The following C12orf42 variants were observed in gnomAD, a reference collection of about 807,000 sequenced individuals.
The protein encoded by C12orf42 is uncharacterized protein C12orf42.
Under a neutral mutation model 21.6 loss-of-function variants are expected in C12orf42, and 25 were observed. That is an observed-to-expected ratio of 1.16 (90% CI 0.84 to 1.62). The LOEUF (loss-of-function observed/expected upper bound fraction) is 1.62, where lower values mean the gene tolerates loss of function less well. Ranked by LOEUF, C12orf42 falls within the 40% of genes most tolerant of loss-of-function variation. The pLI is 0.00. For synonymous variants in C12orf42, 174 were observed against 175.0 expected, an observed-to-expected ratio of 0.99 and a Z score of 0.05; for missense variants, 483 against 459.3, an observed-to-expected ratio of 1.05 and a Z score of -0.47.
At chr12:103,549,635 A>T in the C12orf42 span, 1 of 152,242 alleles carries the variant, frequency 6.6e-6, no homozygotes, top group African/African-American at 2.4e-5. Flanking sequence ...TTGATAAATT[A>T]AAAGTGGTGT....
the C12orf42 span, among the ~76,000 whole-genome samples, chr12:103,534,954 A>G: frequency 6.6e-6 from 1 of 152,198 alleles, no homozygotes; most frequent in African/African-American, 2.4e-5. Context: ...CTTTCCTGTA[A>G]TACAACCACA....
chr12:103,184,899 G>A, the C12orf42 span, among the ~76,000 whole-genome samples: 2 of 152,110 alleles, frequency 1.3e-5, no homozygotes, highest in African/African-American at 4.8e-5. Context: ...TGAATGCACA[G>A]AGGAAAGACC....
intron 4 of C12orf42, among the ~76,000 whole-genome samples, chr12:103,367,427 C>A (rs1419446189): frequency 4.7e-5 from 7 of 150,258 alleles, no homozygotes; most frequent in African/African-American, 1.2e-4. Flanking sequence ...CCACCTGTTC[C>A]CCAAAAGACT....
At chr12:103,401,295 G>A (rs1301475038) in intron 3 of C12orf42, among the ~76,000 whole-genome samples, 2 of 152,082 alleles carry the variant, frequency 1.3e-5, no homozygotes, top group Non-Finnish European at 2.9e-5. Flanking sequence ...CTGTATGTTG[G>A]CCACATACAG....
At chr12:103,384,008 G>C (rs933307553) in intron 3 of C12orf42, among the ~76,000 whole-genome samples, 133 of 152,320 alleles carry the variant, frequency 8.7e-4, no homozygotes, top group African/African-American at 3.1e-3. Flanking sequence ...GCCCAGAGCA[G>C]TGGTTACAGG....
intron 4 of C12orf42, among the ~76,000 whole-genome samples, chr12:103,330,167 TATTA>T (rs1257709966): frequency 3.3e-5 from 5 of 152,184 alleles, no homozygotes; most frequent in Admixed American, 1.3e-4. Flanking sequence ...AAGCATTATT[TATTA>T]TTTTTATAGT....
At chr12:103,267,195 G>A (rs540651353), downstream of C12orf42, among the ~76,000 whole-genome samples, 7 of 152,156 alleles carry the variant, frequency 4.6e-5, no homozygotes, top group South Asian at 2.1e-4. Context: ...TCTCTGGTTC[G>A]AGTCAATTCA....
At chr12:103,166,930 GTCTTTA>G in the C12orf42 span, among the ~76,000 whole-genome samples, 5 of 152,000 alleles carry the variant, frequency 3.3e-5, no homozygotes, top group Non-Finnish European at 5.9e-5. Context: ...AGTGTTATTA[GTCTTTA>G]TCTTTATCGA....
the C12orf42 span, among the ~76,000 whole-genome samples, chr12:103,098,529 C>A: frequency 1.3e-5 from 2 of 152,142 alleles, no homozygotes; most frequent in Admixed American, 1.3e-4. Flanking sequence ...TCAAAGTCTG[C>A]GTTTCAGCCA....
Position 103,287,127 on chromosome 12 carries a change from A to G in C12orf42, n.338-9917T>C, listed in dbSNP as rs1196051596. Among the ~76,000 whole-genome samples, 6 of 152,236 alleles carry G rather than the reference A, an allele frequency of 3.9e-5. No individual in the cohort carries two copies. In the East Asian group the frequency reaches 1.2e-3, roughly 29 times the overall value. Reference sequence around the variant, plus strand: ...GGTGGTACTGTAAACTAGTTCAACCATTGTGGAAGTCGGTGTGGCGATTCC... The same window carrying G: ...GGTGGTACTGTAAACTAGTTCAACCGTTGTGGAAGTCGGTGTGGCGATTCC... On this transcript the variant is annotated intron_variant and non_coding_transcript_variant, in intron 4 of 6. Coordinates refer to the C12orf42 transcript ENST00000546526.
At chr12:103,074,443 G>A in the C12orf42 span, among the ~76,000 whole-genome samples, 1 of 152,106 alleles carries the variant, frequency 6.6e-6, no homozygotes, top group Non-Finnish European at 1.5e-5. Context: ...ACCTCATCAA[G>A]GAAGCAGGTA....
intron 4 of C12orf42, among the ~76,000 whole-genome samples, chr12:103,339,125 C>T (rs917456258): frequency 2.6e-5 from 4 of 152,164 alleles, no homozygotes; most frequent in East Asian, 3.8e-4. Flanking sequence ...CAATTCAAGA[C>T]ATAAATATTA....
intron 4 of C12orf42, among the ~76,000 whole-genome samples, chr12:103,293,333 G>C (rs185845241): frequency 6.6e-6 from 1 of 152,174 alleles, no homozygotes; most frequent in East Asian, 1.9e-4. Flanking sequence ...TCCTTTGTTT[G>C]TAAGGACCGT....
chr12:103,317,087 G>A (rs992857427), intron 4 of C12orf42, among the ~76,000 whole-genome samples: 1 of 152,170 alleles, frequency 6.6e-6, no homozygotes, highest in Non-Finnish European at 1.5e-5. Flanking sequence ...CCCAAAATTG[G>A]TTGTGGCATC....
chr12:103,194,299 G>A, the C12orf42 span, among the ~76,000 whole-genome samples: 1 of 152,072 alleles, frequency 6.6e-6, no homozygotes, highest in Non-Finnish European at 1.5e-5. Flanking sequence ...GTATTCAGTA[G>A]AGTACTGGAA....
downstream of C12orf42, among the ~76,000 whole-genome samples, chr12:103,235,817 T>G (rs182395849): frequency 6.6e-6 from 1 of 152,184 alleles, no homozygotes; most frequent in Non-Finnish European, 1.5e-5. Context: ...CCCATTTACA[T>G]GTTGAATTTA....
chr12:103,112,680 T>G, the C12orf42 span, among the ~76,000 whole-genome samples: 1 of 151,948 alleles, frequency 6.6e-6, no homozygotes, highest in Non-Finnish European at 1.5e-5. Context: ...AATAATAAAA[T>G]AATAATACTT....
At chr12:103,528,478 G>T in the C12orf42 span, among the ~76,000 whole-genome samples, 1 of 152,250 alleles carries the variant, frequency 6.6e-6, no homozygotes, top group African/African-American at 2.4e-5. Flanking sequence ...TCATGGAGGG[G>T]GACCCCTCAT....
intron 2 of C12orf42, among the ~76,000 whole-genome samples, chr12:103,413,140 G>A (rs1283764650): frequency 6.6e-6 from 1 of 152,122 alleles, no homozygotes; most frequent in Non-Finnish European, 1.5e-5. Context: ...TTGTACATGG[G>A]TGAAAGCTGG....
Sources: gnomAD v4.1 joint callset for allele counts (sites outside exome capture counted in the v4.1 genomes callset) on GRCh38, gnomAD v4.1.1 for gene constraint, MANE v1.5 for transcripts, NCBI Gene and HGNC (gene_info 2026-07-23, HGNC 2026-07-21) for gene names.